Variants in ZNG1B observed in about 807,000 individuals in gnomAD.
The protein encoded by ZNG1B is zinc-regulated GTPase metalloprotein activator 1B.
chr2:113,440,836 A>G, the ZNG1B span, among the ~76,000 whole-genome samples: 1 of 142,526 alleles, frequency 7.0e-6, no homozygotes, highest in African/African-American at 2.6e-5. Flanking sequence ...TCACAAGACT[A>G]TTTTTTTTCT....
chr2:113,442,999 C>T, the ZNG1B span, among the ~76,000 whole-genome samples: 10 of 149,050 alleles, frequency 6.7e-5, no homozygotes, highest in South Asian at 2.1e-4. Context: ...GATGGAGTCT[C>T]GCTGTGTTGC....
the ZNG1B span, chr2:113,494,822 A>G: frequency 1.5e-6 from 1 of 648,674 alleles, no homozygotes. Context: ...ATTTTGTTTC[A>G]GGTTTTGGTT....
the ZNG1B span, among the ~76,000 whole-genome samples, chr2:113,489,450 C>T: frequency 6.6e-6 from 1 of 151,922 alleles, no homozygotes; most frequent in South Asian, 2.1e-4. Flanking sequence ...AGAAAAACAA[C>T]AAAAACCAGA....
At chr2:113,462,364 A>T in the ZNG1B span, 1 of 1,561,104 alleles carries the variant, frequency 6.4e-7, no homozygotes, top group Non-Finnish European at 8.7e-7. Context: ...GCATGCGTGT[A>T]TATTATTTAA....
the ZNG1B span, among the ~76,000 whole-genome samples, chr2:113,477,654 T>C: frequency 6.6e-6 from 1 of 150,928 alleles, no homozygotes; most frequent in Admixed American, 6.6e-5. Flanking sequence ...TATCTTTTTC[T>C]TTTTTTATTG....
At chr2:113,472,425 T>G in the ZNG1B span, among the ~76,000 whole-genome samples, 1 of 151,696 alleles carries the variant, frequency 6.6e-6, no homozygotes, top group Non-Finnish European at 1.5e-5. Flanking sequence ...TTTTCTCCCA[T>G]TTTGTAGGTT....
At chr2:113,461,090 C>T in the ZNG1B span, among the ~76,000 whole-genome samples, 3 of 149,206 alleles carry the variant, frequency 2.0e-5, no homozygotes, top group Non-Finnish European at 4.4e-5. Context: ...GACAGAATCT[C>T]ACTCTGTCAC....
the ZNG1B span, among the ~76,000 whole-genome samples, chr2:113,459,903 GAA>G: frequency 7.3e-6 from 1 of 137,802 alleles, no homozygotes; most frequent in African/African-American, 2.7e-5. Context: ...TTATGAGGGG[GAA>G]AAAAAAAACA....
the ZNG1B span, among the ~76,000 whole-genome samples, chr2:113,457,633 C>T: frequency 1.3e-5 from 2 of 150,712 alleles, no homozygotes; most frequent in Admixed American, 6.7e-5. Flanking sequence ...CCTAACCCCC[C>T]CAGCTTTATT....
At chr2:113,453,072 CAT>C in the ZNG1B span, 35 of 1,512,094 alleles carry the variant, frequency 2.3e-5, no homozygotes, top group Non-Finnish European at 3.0e-5. Context: ...CAAATTAAAA[CAT>C]GGATAGAATC....
the ZNG1B span, among the ~76,000 whole-genome samples, chr2:113,448,825 AC>A: frequency 6.6e-6 from 1 of 151,016 alleles, no homozygotes; most frequent in African/African-American, 2.4e-5. Context: ...AATGGCTTGA[AC>A]CCGGGAGACG....
chr2:113,466,540 A>G, the ZNG1B span: 1 of 974,724 alleles, frequency 1.0e-6, no homozygotes. Flanking sequence ...TGAGCAAGTG[A>G]CTAAAATCTT....
chr2:113,450,376 T>C, the ZNG1B span, among the ~76,000 whole-genome samples: 1 of 148,872 alleles, frequency 6.7e-6, no homozygotes, highest in Admixed American at 6.8e-5. Context: ...GCCTTTCTTT[T>C]TGTCAATAAT....
chr2:113,448,977 A>G, the ZNG1B span, among the ~76,000 whole-genome samples: 1 of 151,352 alleles, frequency 6.6e-6, no homozygotes, highest in African/African-American at 2.5e-5. Flanking sequence ...TGTTAGCTAC[A>G]TCTTCTAGGT....
the ZNG1B span, among the ~76,000 whole-genome samples, chr2:113,446,503 T>C: frequency 6.6e-6 from 1 of 152,110 alleles, no homozygotes; most frequent in Non-Finnish European, 1.5e-5. Context: ...TCCCAGCACT[T>C]TGGAAGGCTG....
chr2:113,450,052 C>T, the ZNG1B span, among the ~76,000 whole-genome samples: 1 of 150,416 alleles, frequency 6.6e-6, no homozygotes, highest in Non-Finnish European at 1.5e-5. Flanking sequence ...CTCCCTACCT[C>T]CTTGAAGGCA....
At chr2:113,440,859 CAT>C in the ZNG1B span, among the ~76,000 whole-genome samples, 9 of 142,710 alleles carry the variant, frequency 6.3e-5, no homozygotes, top group African/African-American at 2.4e-4. Context: ...TGGAGATTGA[CAT>C]ATTGGGTTTT....
chr2:113,487,817 C>A, the ZNG1B span, among the ~76,000 whole-genome samples: 7 of 150,956 alleles, frequency 4.6e-5, no homozygotes, highest in Non-Finnish European at 1.0e-4. Context: ...ACTGCTGTGA[C>A]AAAATAAGTA....
chr2:113,476,452 G>C, the ZNG1B span, among the ~76,000 whole-genome samples: 2 of 149,924 alleles, frequency 1.3e-5, no homozygotes, highest in South Asian at 4.2e-4. Flanking sequence ...CCCATAGCTC[G>C]GAGTAGTTTG....
Sources: gnomAD v4.1 joint callset for allele counts (sites outside exome capture counted in the v4.1 genomes callset) on GRCh38, gnomAD v4.1.1 for gene constraint, MANE v1.5 for transcripts, NCBI Gene and HGNC (gene_info 2026-07-23, HGNC 2026-07-21) for gene names.